Variants in NAPRT observed in about 807,000 individuals in gnomAD.
The protein encoded by NAPRT is FHA-HIT-interacting protein.
In NAPRT, 66 loss-of-function variants were observed where a neutral mutation model predicts 60.7. The observed-to-expected ratio is 1.09, with a 90% CI of 0.89 to 1.33. The LOEUF is 1.33. Among genes scored for constraint, NAPRT ranks in the 40% most tolerant of loss-of-function variants. The pLI is 0.00. For missense variants in NAPRT, 818 were observed against 731.5 expected (o/e 1.12, Z -1.36); for synonymous variants, 405 against 335.7 (o/e 1.21, Z -2.26).
intron 2 of NAPRT, 32 bp downstream of exon 2, chr8:143,577,784 G>A (rs1314640846): frequency 6.3e-7 from 1 of 1,579,240 alleles, no homozygotes; most frequent in Non-Finnish European, 8.6e-7. Context: ...AGCACCCCGT[G>A]GCCGCCGCGC....
chr8:143,573,002 G>T (rs1227208108), downstream of NAPRT: 11 of 444,876 alleles, frequency 2.5e-5, no homozygotes, highest in East Asian at 1.4e-4. Context: ...GATCCACGAA[G>T]AAAGGGGGAG....
In NAPRT at chr8:143,574,830, TCCGAGTCTCAGGGGGA is replaced by T. The variant is rs1824310547; in HGVS notation, c.1609_*7del. ...TCGTGTTGTTTCCAGTCAGCCCCGCTCCGAGTCTCAGGGGGACTGCCCCGCACACAGACTGTTCACC... is the reference window on the plus strand; with the variant it reads ...TCGTGTTGTTTCCAGTCAGCCCCGCTCTGCCCCGCACACAGACTGTTCACC... On this transcript the variant is annotated stop_lost and 3_prime_UTR_variant, in exon 13 of 13. Transcript: ENST00000449291. The T allele has an allele frequency of 6.4e-7, 1 of 1,550,538 alleles. No homozygotes were observed. The highest frequency in any genetic ancestry group is 8.7e-7 in the Non-Finnish European group (1 of 1,146,982).
intron 8 of NAPRT, 110 bp downstream of exon 8, chr8:143,575,941 AGGTGGCAGTGCCCTGGGTGGGGAAGGG>A (rs1824424466): frequency 1.5e-4 from 39 of 263,324 alleles, no homozygotes; most frequent in Non-Finnish European, 2.0e-4. Flanking sequence ...TGGGGGAAGG[AGGTGGCAGTGCCCTGGGTGGGGAAGGG>A]GGTGGCAGTG....
Position 143,578,261 on chromosome 8 carries a change from GGTCAGTGAGCAGCGGCCGCGCC to G in NAPRT, c.36_57del (p.Ala13SerfsTer85). On this transcript the variant is annotated frameshift_variant, in exon 1 of 13. Coordinates refer to ENST00000449291, the MANE Select transcript of NAPRT (RefSeq NM_145201.6). LOFTEE classifies it high-confidence loss of function. ...CCCAACGCCATGGTGGCCTGGTAGA[GGTCAGTGAGCAGCGGCCGCGCC>G]GCCGCGCGCGCCTCGGGGTCCTGCT... The G allele has an allele frequency of 6.9e-7, 1 of 1,454,390 alleles. No homozygotes were observed. Among genetic ancestry groups the G allele is most frequent in the Non-Finnish European group, 9.0e-7 (1 of 1,109,850 alleles). The allele number at this position is 1,454,390 out of a possible 1,614,324, so 90.1% of individuals were successfully genotyped here.
chr8:143,573,074 G>C (rs1824166043), downstream of NAPRT: 2 of 280,220 alleles, frequency 7.1e-6, no homozygotes, highest in East Asian at 6.8e-5. Flanking sequence ...GTTGTGGACA[G>C]CTCTGAGGAG....
At chr8:143,577,546 C>G in intron 3 of NAPRT, 111 bp downstream of exon 3, 1 of 1,458,276 alleles carries the variant, frequency 6.9e-7, no homozygotes, top group Non-Finnish European at 9.2e-7. Context: ...GGGCGGGAGG[C>G]CAGTCCTGGG....
Position 143,578,138 on chromosome 8 carries a change from G to A in NAPRT, c.181C>T (p.Arg61Cys), listed in dbSNP as rs558850618. 1.6e-5 allele frequency: 24 copies of A among 1,522,194 alleles called. No homozygotes were observed. Among genetic ancestry groups the A allele is most frequent in the Non-Finnish European group, 1.9e-5 (22 of 1,141,290 alleles). 94.3% of individuals were successfully genotyped at this position (1,522,194 alleles called of 1,614,324 possible). ...GCGCGCAGGAAGCGCACACAGTCGC[G>A]CAAGCCGGCGGCCAAGGCGAAGGCG... ...GGAFALAAGL[R>C]DCVRFLRAFR... The change falls in exon 1 of 13, where the codon CGC becomes TGC. Residue 61 changes from arginine (R) to cysteine (C), a missense_variant. By Grantham distance (180) the Arg-to-Cys change is radical (BLOSUM62 -3). Coordinates refer to ENST00000449291, the MANE Select transcript of NAPRT (RefSeq NM_145201.6).
chr8:143,577,140 C>A lies in NAPRT; in HGVS notation c.606G>T (p.Leu202=), dbSNP rs1587054757. The A allele has an allele frequency of 1.2e-6, 2 of 1,612,900 alleles. No homozygotes were observed. Among genetic ancestry groups the A allele is most frequent in the Non-Finnish European group, 1.7e-6 (2 of 1,179,898 alleles). The stretch of plus-strand genomic sequence containing the variant: ...GGGTCCCGGCCACCGGCACACCTCG[C>A]AGCTGGCCCGCTAGCACGTTGCTGC... ...DSSSNVLAGQ[L]RGVPVAGTLA... The change falls in exon 5 of 13, where the codon CTG becomes CTT. Residue 202 remains leucine, a synonymous_variant. Transcript: ENST00000449291.
chr8:143,578,246 T>C lies in NAPRT; in HGVS notation c.73A>G (p.Met25Val), dbSNP rs1421207206. The C allele has an allele frequency of 3.3e-6, 5 of 1,495,792 alleles. No individual in the cohort carries two copies. The highest frequency in any genetic ancestry group is 4.4e-6 in the Non-Finnish European group (5 of 1,127,802). The allele number at this position is 1,495,792 out of a possible 1,614,324, so 92.7% of individuals were successfully genotyped here. The change falls in exon 1 of 13, where the codon ATG (methionine) becomes GTG (valine). Residue 25 changes from methionine (M) to valine (V), a missense_variant. By Grantham distance (21) the Met-to-Val change is conservative. Transcript: ENST00000449291. ...CCCGCGCGCCAATAGCCCAACGCCATGGTGGCCTGGTAGAGGTCAGTGAGC... is the reference window on the plus strand; with the variant it reads ...CCCGCGCGCCAATAGCCCAACGCCACGGTGGCCTGGTAGAGGTCAGTGAGC... ...PLLTDLYQATMALGYWRAGRA... is the reference protein window; with the variant it reads ...PLLTDLYQATVALGYWRAGRA...
chr8:143,576,063 A>G lies in NAPRT; in HGVS notation c.1107+15T>C, dbSNP rs1369019210. The G allele has an allele frequency of 2.6e-6, 4 of 1,560,188 alleles. No individual in the cohort carries two copies. The Admixed American group carries it at 5.7e-5, about 22-fold the overall frequency. On this transcript the variant is annotated intron_variant, in intron 8 of 12. Coordinates refer to ENST00000449291, the MANE Select transcript of NAPRT (RefSeq NM_145201.6). ...CCCCCCAGCCACCCTCCGCCTACCC[A>G]CTCATCCACCCCACCTCCTGGGCCA... is the stretch of plus-strand genomic sequence containing the variant.
chr8:143,576,148 C>A lies in NAPRT; in HGVS notation c.1037G>T (p.Trp346Leu). ...GACTACGATGAGGACTGACTCCAGC[C>A]AGGGCACCTGGAACCTGCCGCGTGG... The part of the protein sequence containing the change: ...RAAAAQFQVP[W>L]LESVLIVVSN... The change falls in exon 8 of 13, where the codon TGG (tryptophan) becomes TTG (leucine). Residue 346 changes from tryptophan to leucine, a missense_variant. Transcript: ENST00000449291. 1 of 1,601,598 alleles carries A rather than the reference C, an allele frequency of 6.2e-7. No individual in the cohort carries two copies. Among genetic ancestry groups the A allele is most frequent in the Non-Finnish European group, 8.5e-7 (1 of 1,172,150 alleles).
Position 143,576,671 on chromosome 8 carries a change from G to C in NAPRT, c.856C>G (p.Leu286Val). 6.2e-7 allele frequency: 1 copy of C among 1,611,360 alleles called. No homozygotes were observed. Among genetic ancestry groups the C allele is most frequent in the Non-Finnish European group, 8.5e-7 (1 of 1,179,380 alleles). The change falls in exon 6 of 13, where the codon CTC becomes GTC. Residue 286 changes from leucine (L) to valine (V), a missense_variant. Coordinates refer to ENST00000449291, the MANE Select transcript of NAPRT (RefSeq NM_145201.6). ...ALAFPRAFQGLLDTYSVWRSG... is the reference protein window; with the variant it reads ...ALAFPRAFQGVLDTYSVWRSG... ...CTCCACACGCTGTAGGTGTCCAGGA[G>C]GCCCTGGAAGGCCCGGGGAAAAGCC... is the stretch of plus-strand genomic sequence containing the variant.
chr8:143,575,755 G>A (rs1330141824), intron 8 of NAPRT, 53 bp from the exon 9 acceptor site: 2 of 1,297,344 alleles, frequency 1.5e-6, no homozygotes, highest in African/African-American at 1.5e-5. Context: ...TGGGGAAGGG[G>A]GTGGCACTGC....
chr8:143,576,295 G>A lies in NAPRT; in HGVS notation c.1023-133C>T, dbSNP rs935081147. ...CCTTCTGCTTGGGAGCTCCTAGGGA[G>A]CCCCACCACTTACTTCCCTGCCACG... On this transcript the variant is annotated intron_variant, in intron 7 of 12. Coordinates refer to ENST00000449291, the MANE Select transcript of NAPRT (RefSeq NM_145201.6). 61 of 1,381,218 alleles carry A rather than the reference G, an allele frequency of 4.4e-5. 1 individual carries two copies. In the African/African-American group the frequency reaches 8.0e-4, roughly 18 times the overall value. The allele number at this position is 1,381,218 out of a possible 1,614,324, so 85.6% of individuals were successfully genotyped here.
chr8:143,576,410 A>C (rs776179925), intron 7 of NAPRT, 22 bp downstream of exon 7: 88 of 1,587,106 alleles, frequency 5.5e-5, no homozygotes, highest in Non-Finnish European at 4.9e-5. Context: ...CACCAGGCAC[A>C]CCTCCTCCCC....
rs1403799630 is a variant in NAPRT at position 143,576,659 on chromosome 8, A to T, written c.868T>A (p.Tyr290Asn). 1.2e-6 allele frequency: 2 copies of T among 1,611,030 alleles called. No homozygotes were observed. The highest frequency in any genetic ancestry group is 3.3e-5 in the Admixed American group (2 of 59,846). Residue 290 changes from tyrosine (Y) to asparagine (N), a missense_variant, in exon 6 of 13, where the codon TAC becomes AAC. Physicochemically the swap from Tyr to Asn is moderately radical, Grantham distance 143. Coordinates refer to ENST00000449291, the MANE Select transcript of NAPRT (RefSeq NM_145201.6). ...GCCCGGGCTCACCTCCACACGCTGT[A>T]GGTGTCCAGGAGGCCCTGGAAGGCC... ...PRAFQGLLDT[Y>N]SVWRSGLPNF...
rs1400722966 is a variant in NAPRT at position 143,576,728 on chromosome 8, C to G, written c.799G>C (p.Gly267Arg). The change falls in exon 6 of 13, where the codon GGC becomes CGC. Residue 267 changes from glycine (G) to arginine (R), a missense_variant. Gly to Arg is a moderately radical substitution (Grantham distance 125). Transcript: ENST00000449291. ...TAGGCCACAAAGGCTGCCCGCTCGC[C>G]TGGATGCGGCTCCTGCACCCCCAGC... ...LGLGVQEPHP[G>R]ERAAFVAYAL... The G allele has an allele frequency of 1.2e-6, 2 of 1,608,788 alleles. No homozygotes were observed. The highest frequency in any genetic ancestry group is 3.3e-5 in the Admixed American group (2 of 59,790).
chr8:143,575,194 T>G lies in NAPRT; in HGVS notation c.1443A>C (p.Gly481=). ...EPLLRLCLQQ[G]QLCEPLPSLA... ...ATGAGGGCGGTGGGGCAGCCACCTG[T>G]CCCTGCTGGAGGCAGAGCCGCAGTA... Residue 481 remains glycine, a synonymous_variant, in exon 11 of 13, where the codon GGA becomes GGC. Coordinates refer to ENST00000449291, the MANE Select transcript of NAPRT (RefSeq NM_145201.6). 6.2e-7 allele frequency: 1 copy of G among 1,607,932 alleles called. No homozygotes were observed. The highest frequency in any genetic ancestry group is 1.1e-5 in the South Asian group (1 of 90,592).
chr8:143,576,235 C>T, intron 7 of NAPRT, 73 bp from the exon 8 acceptor site: 6 of 1,438,858 alleles, frequency 4.2e-6, no homozygotes, highest in Non-Finnish European at 5.6e-6. Flanking sequence ...TCCCCCTGCT[C>T]CCCGCCCCGC....
Sources: allele counts gnomAD v4.1 joint callset, GRCh38; gene constraint gnomAD v4.1.1; transcripts MANE v1.5; gene names NCBI Gene and HGNC (gene_info 2026-07-23, HGNC 2026-07-21).